Variants in SMAD9 observed in about 807,000 individuals in gnomAD.
SMAD9 encodes SMAD family member 9.
SMAD9 carries 36 observed loss-of-function variants against 46.1 expected under a neutral mutation model. The observed-to-expected ratio is 0.78, with a 90% CI of 0.60 to 1.03. The LOEUF (loss-of-function observed/expected upper bound fraction) is 1.03, where lower values mean the gene tolerates loss of function less well. Ranked by LOEUF, SMAD9 falls within the 50% of genes least tolerant of loss-of-function variation. The probability of loss-of-function intolerance (pLI) is 0.00; values close to 1 mark genes in which losing one functional copy is unlikely to be tolerated. For synonymous variants in SMAD9, 245 were observed against 237.1 expected (o/e 1.03, Z -0.31); for missense variants, 572 against 599.8 (o/e 0.95, Z 0.48).
intron 2 of SMAD9, among the ~76,000 whole-genome samples, chr13:36,877,524 C>T (rs2138476757): frequency 6.6e-6 from 1 of 152,158 alleles, no homozygotes; most frequent in African/African-American, 2.4e-5. Flanking sequence ...GAACATTTTT[C>T]CATTTGGATA....
intron 3 of SMAD9, among the ~76,000 whole-genome samples, chr13:36,869,781 A>G (rs2058272452): frequency 6.6e-6 from 1 of 151,856 alleles, no homozygotes; most frequent in Non-Finnish European, 1.5e-5. Flanking sequence ...GTGAGCCGAG[A>G]TTGTGCCATT....
At chr13:36,896,986 A>T (rs2058534033) in intron 1 of SMAD9, among the ~76,000 whole-genome samples, 1 of 152,162 alleles carries the variant, frequency 6.6e-6, no homozygotes, top group South Asian at 2.1e-4. Context: ...TGAAAAAAAA[A>T]ACAGATTTAG....
chr13:36,870,937 G>T (rs2058287194), intron 3 of SMAD9, among the ~76,000 whole-genome samples: 1 of 152,088 alleles, frequency 6.6e-6, no homozygotes, highest in South Asian at 2.1e-4. Flanking sequence ...GGATGCGCTG[G>T]GCAATGGAAT....
In SMAD9 at chr13:36,846,660, A is replaced by C. The variant is rs2058040367; in HGVS notation, c.*2016T>G. 6.6e-6 allele frequency: 1 copy of C among 152,086 alleles called. No homozygotes were observed. Among genetic ancestry groups the C allele is most frequent in the Admixed American group, 6.5e-5 (1 of 15,268 alleles). The allele number at this position is 152,086 out of a possible 1,614,324, so 9.4% of individuals were successfully genotyped here. On this transcript the variant is annotated 3_prime_UTR_variant, in exon 7 of 7. Coordinates refer to ENST00000379826, the MANE Select transcript of SMAD9 (RefSeq NM_001127217.3). Reference sequence around the variant, plus strand: ...AAAGGGGACATGGAGAATTATTGGAAAACAGGGAAGAAAGGGGAGGAAAAA... The same window carrying C: ...AAAGGGGACATGGAGAATTATTGGACAACAGGGAAGAAAGGGGAGGAAAAA...
At chr13:36,894,708 T>C (rs2058514566) in intron 1 of SMAD9, among the ~76,000 whole-genome samples, 1 of 152,126 alleles carries the variant, frequency 6.6e-6, no homozygotes, top group African/African-American at 2.4e-5. Flanking sequence ...CCCTGCCCGA[T>C]GCTTTGTACT....
Position 36,865,631 on chromosome 13 carries a change from G to A in SMAD9, c.909C>T (p.Asp303=), listed in dbSNP as rs768181413. ...SRSVLIDGFT[D]PSNNRNRFCL... ...AGAATCTGTTCCTGTTATTTGAAGG[G>A]TCGGTGAACCCATCTATGAGCACAC... The change falls in exon 5 of 7, where the codon GAC becomes GAT. Residue 303 remains aspartate (D), a synonymous_variant. Transcript: ENST00000379826. The A allele has an allele frequency of 3.1e-6, 5 of 1,613,976 alleles. No individual in the cohort carries two copies. The highest frequency in any genetic ancestry group is 2.7e-5 in the African/African-American group (2 of 74,904).
rs75574286 is a variant in SMAD9 at position 36,895,117 on chromosome 13, C to T, written c.-186-15242G>A. 2.0e-3 allele frequency among the ~76,000 whole-genome samples: 304 copies of T among 152,290 alleles called. 2 individuals carry two copies. Among genetic ancestry groups the T allele is most frequent in the African/African-American group, 6.6e-3 (275 of 41,560 alleles). On this transcript the variant is annotated intron_variant, in intron 1 of 6. Coordinates refer to ENST00000379826, the MANE Select transcript of SMAD9 (RefSeq NM_001127217.3). ...CAGTTAGATTCCTCCACCACTCCATCAACCCTAAATCCTCAAATCTACATC... is the reference window on the plus strand; with the variant it reads ...CAGTTAGATTCCTCCACCACTCCATTAACCCTAAATCCTCAAATCTACATC...
chr13:36,873,550 A>G (rs1488465172), intron 2 of SMAD9, among the ~76,000 whole-genome samples: 1 of 152,216 alleles, frequency 6.6e-6, no homozygotes, highest in East Asian at 1.9e-4. Flanking sequence ...GGTGAATAAT[A>G]ATAAAAGTGA....
intron 1 of SMAD9, among the ~76,000 whole-genome samples, chr13:36,881,949 G>A (rs972167700): frequency 6.6e-6 from 1 of 152,186 alleles, no homozygotes; most frequent in African/African-American, 2.4e-5. Flanking sequence ...GTCAGTCATA[G>A]AGAAAAGCTT....
chr13:36,908,258 T>C (rs1453276487), intron 1 of SMAD9, among the ~76,000 whole-genome samples: 1 of 152,218 alleles, frequency 6.6e-6, no homozygotes, highest in African/African-American at 2.4e-5. Context: ...ATGCCATGAA[T>C]CAGTATTATT....
At chr13:36,905,568 C>T (rs918942064) in intron 1 of SMAD9, among the ~76,000 whole-genome samples, 2 of 151,742 alleles carry the variant, frequency 1.3e-5, no homozygotes, top group Non-Finnish European at 2.9e-5. Context: ...CCAGCCTGGG[C>T]AACATAGCCA....
chr13:36,853,799 T>C (rs2058096926), intron 5 of SMAD9, 124 bp from the exon 6 acceptor site: 1 of 925,752 alleles, frequency 1.1e-6, no homozygotes, highest in Admixed American at 1.9e-5. Flanking sequence ...ATCAGATGAA[T>C]GAGATGTGTG....
At chr13:36,884,900 T>C (rs2138533405) in intron 1 of SMAD9, among the ~76,000 whole-genome samples, 1 of 152,354 alleles carries the variant, frequency 6.6e-6, no homozygotes, top group South Asian at 2.1e-4. Context: ...CCTACCAGGG[T>C]GCACAATGCG....
chr13:36,888,971 T>G (rs1384147670), intron 1 of SMAD9, among the ~76,000 whole-genome samples: 1 of 152,116 alleles, frequency 6.6e-6, no homozygotes, highest in African/African-American at 2.4e-5. Flanking sequence ...TGGAAGACAT[T>G]TCAGTTTGCA....
chr13:36,861,981 A>G (rs2058186817), intron 5 of SMAD9, among the ~76,000 whole-genome samples: 1 of 151,986 alleles, frequency 6.6e-6, no homozygotes, highest in African/African-American at 2.4e-5. Context: ...AATTAATCTC[A>G]ATAGAACAGC....
intron 6 of SMAD9, chr13:36,851,657 G>A (rs1177586131): frequency 1.3e-6 from 1 of 770,858 alleles, no homozygotes. Context: ...GTAAAAATCA[G>A]AGCTGAAAGA....
chr13:36,864,567 G>C (rs1040534170), intron 5 of SMAD9, among the ~76,000 whole-genome samples: 1 of 152,070 alleles, frequency 6.6e-6, no homozygotes, highest in African/African-American at 2.4e-5. Flanking sequence ...ATGGTTTCTC[G>C]TAAGTGGCCT....
chr13:36,860,451 CTTT>C (rs1195704304), intron 5 of SMAD9, among the ~76,000 whole-genome samples: 7 of 135,656 alleles, frequency 5.2e-5, no homozygotes, highest in East Asian at 2.2e-4. Context: ...ATTTTTTTAC[CTTT>C]TTTTTTTTTT....
intron 5 of SMAD9, among the ~76,000 whole-genome samples, chr13:36,854,280 G>T (rs1039846814): frequency 6.6e-6 from 1 of 151,998 alleles, no homozygotes; most frequent in African/African-American, 2.4e-5. Context: ...CTGTTTATTT[G>T]TTCCAAAAAT....
Sources: allele counts gnomAD v4.1 joint callset (sites outside exome capture counted in the v4.1 genomes callset), GRCh38; gene constraint gnomAD v4.1.1; transcripts MANE v1.5; gene names NCBI Gene and HGNC (gene_info 2026-07-23, HGNC 2026-07-21).